Variants in FOXP2 observed in about 807,000 individuals in gnomAD.
FOXP2 encodes forkhead box P2.
In FOXP2, 12 loss-of-function variants were observed where a neutral mutation model predicts 115.8. The observed-to-expected ratio is 0.10, with a 90% confidence interval of 0.07 to 0.17. FOXP2 has a LOEUF of 0.17. FOXP2 is among the 10% of genes least tolerant of loss of function. The probability of loss-of-function intolerance (pLI) is 1.00; values close to 1 mark genes in which losing one functional copy is unlikely to be tolerated. For missense variants in FOXP2, 629 were observed against 843.5 expected (o/e 0.75, Z 3.15); for synonymous variants, 328 against 297.7 (o/e 1.10, Z -1.05).
intron 1 of FOXP2, among the ~76,000 whole-genome samples, chr7:114,239,500 A>G (rs889932365): frequency 6.6e-5 from 10 of 152,174 alleles, no homozygotes; most frequent in African/African-American, 2.2e-4. Context: ...TTCGAGATCC[A>G]TTGCTTTAGG....
At chr7:114,112,864 A>T (rs549236716) in intron 1 of FOXP2, among the ~76,000 whole-genome samples, 59 of 152,200 alleles carry the variant, frequency 3.9e-4, no homozygotes, top group African/African-American at 1.4e-3. Flanking sequence ...CCTCACCCTT[A>T]AGTGGCCTGG....
chr7:114,126,850 C>T (rs1791723337), intron 1 of FOXP2, among the ~76,000 whole-genome samples: 1 of 152,198 alleles, frequency 6.6e-6, no homozygotes, highest in Admixed American at 6.5e-5. Context: ...AATTCTCTCT[C>T]TCTGATTCCC....
chr7:114,187,427 G>T (rs990657993), intron 1 of FOXP2, among the ~76,000 whole-genome samples: 11 of 152,172 alleles, frequency 7.2e-5, no homozygotes, highest in Non-Finnish European at 1.5e-4. Context: ...AACAAGGATA[G>T]ATCTGTCTCA....
chr7:114,445,607 G>C (rs116992362), intron 2 of FOXP2, among the ~76,000 whole-genome samples: 3,290 of 152,122 alleles, frequency 0.022, 61 homozygotes, highest in South Asian at 0.073. Flanking sequence ...CTATGTACAT[G>C]GTCTTCTAAA....
At chr7:114,267,836 T>C (rs1795933974) in intron 1 of FOXP2, among the ~76,000 whole-genome samples, 1 of 151,360 alleles carries the variant, frequency 6.6e-6, no homozygotes, top group Admixed American at 6.6e-5. Flanking sequence ...TTTTTAAGTG[T>C]ATGGTTCAAT....
chr7:114,469,673 TATAGAA>T (rs1795961782), intron 2 of FOXP2, among the ~76,000 whole-genome samples: 1 of 152,196 alleles, frequency 6.6e-6, no homozygotes, highest in Non-Finnish European at 1.5e-5. Flanking sequence ...CAATGAAGAT[TATAGAA>T]AGTGTGTAAC....
chr7:114,444,654 A>T (rs1794751536), intron 2 of FOXP2, among the ~76,000 whole-genome samples: 1 of 152,196 alleles, frequency 6.6e-6, no homozygotes, highest in South Asian at 2.1e-4. Flanking sequence ...CAGCATGTAT[A>T]AGTCCTAGAC....
At chr7:114,373,068 C>CT (rs1792053152) in intron 2 of FOXP2, among the ~76,000 whole-genome samples, 1 of 151,978 alleles carries the variant, frequency 6.6e-6, no homozygotes, top group African/African-American at 2.4e-5. Context: ...TCTTGGCTCA[C>CT]TGCAAGCTCC....
intron 3 of FOXP2, among the ~76,000 whole-genome samples, chr7:114,535,796 G>C (rs1489578758): frequency 6.6e-6 from 1 of 151,632 alleles, no homozygotes; most frequent in Non-Finnish European, 1.5e-5. Flanking sequence ...GAGAAGAAGA[G>C]GGACTTGGGG....
chr7:114,684,599 AG>A (rs1341413626), intron 16 of FOXP2, among the ~76,000 whole-genome samples: 1 of 152,222 alleles, frequency 6.6e-6, no homozygotes, highest in Non-Finnish European at 1.5e-5. Context: ...AATTAGAAAA[AG>A]GTGCTATTAT....
intron 2 of FOXP2, among the ~76,000 whole-genome samples, chr7:114,314,065 A>G (rs925992789): frequency 3.9e-5 from 6 of 151,956 alleles, no homozygotes; most frequent in African/African-American, 1.4e-4. Context: ...AAAGAACAGA[A>G]TAAAATGGAA....
At chr7:114,216,974 C>T (rs1794501103) in intron 1 of FOXP2, among the ~76,000 whole-genome samples, 1 of 152,128 alleles carries the variant, frequency 6.6e-6, no homozygotes, top group African/African-American at 2.4e-5. Context: ...CCCTTATTGA[C>T]ATTAAAGTCC....
At chr7:114,168,961 G>T (rs1016867322) in intron 1 of FOXP2, among the ~76,000 whole-genome samples, 1 of 152,310 alleles carries the variant, frequency 6.6e-6, no homozygotes, top group Non-Finnish European at 1.5e-5. Flanking sequence ...GCTTCCATGT[G>T]GTATTGAGCC....
chr7:114,549,979 A>G (rs1800118911), intron 3 of FOXP2, among the ~76,000 whole-genome samples: 1 of 152,004 alleles, frequency 6.6e-6, no homozygotes. Flanking sequence ...ATTTATTTGC[A>G]GTAAGGCATT....
chr7:114,241,457 A>G (rs970662341), intron 1 of FOXP2, among the ~76,000 whole-genome samples: 1 of 152,118 alleles, frequency 6.6e-6, no homozygotes, highest in South Asian at 2.1e-4. Context: ...TCATGCACAA[A>G]TCTATGAAAT....
At chr7:114,643,380 A>G (rs753545786) in intron 7 of FOXP2, among the ~76,000 whole-genome samples, 2 of 152,220 alleles carry the variant, frequency 1.3e-5, no homozygotes, top group East Asian at 1.9e-4. Flanking sequence ...AGATAAATAT[A>G]TAAACACAAG....
chr7:114,320,218 A>G (rs925792813), intron 2 of FOXP2, among the ~76,000 whole-genome samples: 6 of 152,186 alleles, frequency 3.9e-5, no homozygotes, highest in African/African-American at 1.2e-4. Context: ...TCCTGAATAC[A>G]TCATGCCAGT....
intron 1 of FOXP2, among the ~76,000 whole-genome samples, chr7:114,273,556 A>G (rs966600171): frequency 6.6e-6 from 1 of 152,052 alleles, no homozygotes; most frequent in Non-Finnish European, 1.5e-5. Flanking sequence ...TGAAGTTTTT[A>G]ACTATAATAG....
chr7:114,490,271 G>A (rs1185891753), intron 2 of FOXP2, among the ~76,000 whole-genome samples: 2 of 152,088 alleles, frequency 1.3e-5, no homozygotes, highest in Non-Finnish European at 2.9e-5. Context: ...GAAAAGATAA[G>A]GAGGAAATGT....
Sources: gnomAD v4.1 joint callset for allele counts (sites outside exome capture counted in the v4.1 genomes callset) on GRCh38, gnomAD v4.1.1 for gene constraint, MANE v1.5 for transcripts, NCBI Gene and HGNC (gene_info 2026-07-23, HGNC 2026-07-21) for gene names.